CRADD: variants seen among roughly 807,000 people sequenced by gnomAD.
CRADD encodes the protein CARD and death domain containing adaptor protein.
CRADD carries 9 observed loss-of-function variants against 15.5 expected under a neutral mutation model. The observed-to-expected ratio is 0.58, with a 90% CI of 0.35 to 1.01. The LOEUF (loss-of-function observed/expected upper bound fraction) is 1.01, where lower values mean the gene tolerates loss of function less well. Among genes scored for constraint, CRADD ranks in the 50% least tolerant of loss-of-function variants. The pLI is 0.02. For synonymous variants in CRADD, 118 were observed against 107.6 expected (o/e 1.10, Z -0.60); for missense variants, 227 against 250.3 (o/e 0.91, Z 0.63).
At chr12:93,805,490 G>C (rs1957526642) in intron 2 of CRADD, among the ~76,000 whole-genome samples, 1 of 151,460 alleles carries the variant, frequency 6.6e-6, no homozygotes, top group Admixed American at 6.6e-5. Context: ...TTTTGAGCCA[G>C]TCCTCCGAGC....
chr12:93,784,434 A>G (rs1036266781), intron 2 of CRADD, among the ~76,000 whole-genome samples: 1 of 152,034 alleles, frequency 6.6e-6, no homozygotes, highest in Non-Finnish European at 1.5e-5. Flanking sequence ...CGGTTAATAA[A>G]TGGCAGAGCT....
At chr12:93,687,864 C>G (rs1295455444) in intron 2 of CRADD, among the ~76,000 whole-genome samples, 3 of 152,166 alleles carry the variant, frequency 2.0e-5, no homozygotes, top group African/African-American at 7.2e-5. Context: ...CATTAGGGCT[C>G]TATGGGGATA....
intron 2 of CRADD, among the ~76,000 whole-genome samples, chr12:93,695,049 C>T (rs1473421266): frequency 1.1e-4 from 16 of 152,210 alleles, no homozygotes; most frequent in Admixed American, 1.0e-3. Context: ...CATCATACTA[C>T]CTTCTCTGAC....
At chr12:93,881,213 C>A (rs1958497420) in intron 2 of CRADD, among the ~76,000 whole-genome samples, 1 of 152,128 alleles carries the variant, frequency 6.6e-6, no homozygotes, top group Non-Finnish European at 1.5e-5. Context: ...CAACAAAGAT[C>A]TTATCTTCTG....
At chr12:93,705,167 C>T (rs1363051307) in intron 2 of CRADD, among the ~76,000 whole-genome samples, 1 of 152,210 alleles carries the variant, frequency 6.6e-6, no homozygotes, top group Non-Finnish European at 1.5e-5. Context: ...TCCTGCATCC[C>T]CAGACCCCAG....
intron 2 of CRADD, among the ~76,000 whole-genome samples, chr12:93,696,745 GAAA>G (rs58146240): frequency 7.0e-6 from 1 of 142,616 alleles, no homozygotes; most frequent in Admixed American, 7.0e-5. Context: ...GAAAATATTT[GAAA>G]AAAAAAACCA....
chr12:93,714,323 A>C (rs945322233), intron 2 of CRADD, among the ~76,000 whole-genome samples: 7 of 152,208 alleles, frequency 4.6e-5, no homozygotes, highest in African/African-American at 9.7e-5. Flanking sequence ...AGCTACATGA[A>C]ATAAATGGAT....
intron 2 of CRADD, among the ~76,000 whole-genome samples, chr12:93,754,932 C>T (rs1956870748): frequency 6.6e-6 from 1 of 151,406 alleles, no homozygotes; most frequent in Non-Finnish European, 1.5e-5. Context: ...TTTCATACTG[C>T]TATGAAGAAA....
chr12:93,732,253 A>G (rs1023121081), intron 2 of CRADD, among the ~76,000 whole-genome samples: 1 of 151,434 alleles, frequency 6.6e-6, no homozygotes, highest in Non-Finnish European at 1.5e-5. Context: ...TTATTTAATA[A>G]GAATTGTGGA....
chr12:93,749,252 C>G (rs1956803840), intron 2 of CRADD, among the ~76,000 whole-genome samples: 1 of 152,154 alleles, frequency 6.6e-6, no homozygotes, highest in Non-Finnish European at 1.5e-5. Flanking sequence ...GAGAGGCCAG[C>G]AAGTTCAAAG....
At chr12:93,861,863 G>T (rs1958322338) in intron 2 of CRADD, among the ~76,000 whole-genome samples, 1 of 152,018 alleles carries the variant, frequency 6.6e-6, no homozygotes, top group East Asian at 1.9e-4. Flanking sequence ...ATATGGTTTG[G>T]CTGTGTCCCG....
intron 2 of CRADD, among the ~76,000 whole-genome samples, chr12:93,882,596 T>C (rs1428360086): frequency 6.6e-6 from 1 of 152,292 alleles, no homozygotes; most frequent in East Asian, 1.9e-4. Context: ...ATATAATGTC[T>C]ATTTATACCT....
At chr12:93,810,276 C>T (rs1298174949) in intron 2 of CRADD, among the ~76,000 whole-genome samples, 2 of 151,996 alleles carry the variant, frequency 1.3e-5, no homozygotes, top group Non-Finnish European at 2.9e-5. Context: ...CGGCTGGGCA[C>T]GGTGGCTCAC....
intron 2 of CRADD, among the ~76,000 whole-genome samples, chr12:93,820,876 G>A (rs965362918): frequency 6.6e-6 from 1 of 152,130 alleles, no homozygotes; most frequent in African/African-American, 2.4e-5. Flanking sequence ...GCAGTCCCAC[G>A]CTGTGTCATT....
intron 2 of CRADD, among the ~76,000 whole-genome samples, chr12:93,724,427 A>G (rs1004269855): frequency 8.6e-5 from 13 of 151,656 alleles, no homozygotes; most frequent in African/African-American, 3.2e-4. Flanking sequence ...GATTCTCTGT[A>G]TCTGCCTGTC....
intron 2 of CRADD, among the ~76,000 whole-genome samples, chr12:93,868,136 C>G (rs971203602): frequency 1.3e-5 from 2 of 152,104 alleles, no homozygotes; most frequent in Admixed American, 6.6e-5. Context: ...TTTAGTTTGA[C>G]TCAACATTTC....
At chr12:93,820,548 CAAA>C (rs796143867) in intron 2 of CRADD, among the ~76,000 whole-genome samples, 3 of 110,546 alleles carry the variant, frequency 2.7e-5, no homozygotes, top group Admixed American at 9.6e-5. Context: ...GACTCTGTCT[CAAA>C]AAAAAAAAAA....
At chr12:93,787,485 C>T (rs11836663) in intron 2 of CRADD, among the ~76,000 whole-genome samples, 15,163 of 151,868 alleles carry the variant, frequency 0.1, 1,012 homozygotes, top group Admixed American at 0.17. Context: ...TGTTGTAGTA[C>T]GTCTGCTGAA....
chr12:93,804,260 T>C (rs1293904037), intron 2 of CRADD, among the ~76,000 whole-genome samples: 2 of 152,040 alleles, frequency 1.3e-5, no homozygotes, highest in African/African-American at 4.8e-5. Context: ...TTGGCAAGAG[T>C]GATGCCAGTG....
Sources: gnomAD v4.1 joint callset for allele counts (sites outside exome capture counted in the v4.1 genomes callset) on GRCh38, gnomAD v4.1.1 for gene constraint, MANE v1.5 for transcripts, NCBI Gene and HGNC (gene_info 2026-07-23, HGNC 2026-07-21) for gene names.